SI: variants seen among roughly 807,000 people sequenced by gnomAD.
SI encodes sucrase-isomaltase, intestinal.
A neutral mutation model predicts 253.3 loss-of-function variants in SI; 235 were observed. That is an observed-to-expected ratio of 0.93 (90% CI 0.83 to 1.03). The LOEUF is 1.03. Ranked by LOEUF, SI falls within the 50% of genes least tolerant of loss-of-function variation. SI has a pLI of 0.00. For synonymous variants in SI, 819 were observed against 712.0 expected, an observed-to-expected ratio of 1.15 and a Z score of -2.39; for missense variants, 2,442 against 2,211.1, an observed-to-expected ratio of 1.10 and a Z score of -2.09.
intron 25 of SI, among the ~76,000 whole-genome samples, chr3:165,027,936 G>C (rs910941010): frequency 6.6e-6 from 1 of 151,404 alleles, no homozygotes; most frequent in Non-Finnish European, 1.5e-5. Context: ...GTCCTAGCCA[G>C]AGCAATCAGA....
At chr3:165,001,082 T>A (rs1426080203) in intron 37 of SI, among the ~76,000 whole-genome samples, 1 of 151,330 alleles carries the variant, frequency 6.6e-6, no homozygotes, top group African/African-American at 2.4e-5. Flanking sequence ...TTCCAATAAT[T>A]AATATCTTTA....
intron 28 of SI, 65 bp downstream of exon 28, chr3:165,019,537 G>T: frequency 7.1e-7 from 1 of 1,405,008 alleles, no homozygotes; most frequent in Admixed American, 1.7e-5. Context: ...GGCCCATAAA[G>T]AAGTGGCTTG....
intron 45 of SI, among the ~76,000 whole-genome samples, chr3:164,983,281 T>C (rs1382843418): frequency 1.3e-5 from 2 of 152,142 alleles, no homozygotes; most frequent in Admixed American, 6.6e-5. Flanking sequence ...AGGTGGTGTA[T>C]GTGTGTGTAG....
At chr3:165,052,572 T>C (rs1471946686) in intron 13 of SI, among the ~76,000 whole-genome samples, 3 of 151,936 alleles carry the variant, frequency 2.0e-5, no homozygotes, top group Non-Finnish European at 4.4e-5. Flanking sequence ...AGGGAGAATC[T>C]TTTGAACCTG....
At chr3:165,043,979 A>G (rs1576905775) in intron 16 of SI, among the ~76,000 whole-genome samples, 1 of 151,996 alleles carries the variant, frequency 6.6e-6, no homozygotes, top group Non-Finnish European at 1.5e-5. Flanking sequence ...AAAATCTGAA[A>G]TACTTCAAAA....
At chr3:165,017,489 A>G in intron 31 of SI, 59 bp downstream of exon 31, 1 of 1,533,126 alleles carries the variant, frequency 6.5e-7, no homozygotes, top group Non-Finnish European at 9.0e-7. Context: ...ATGTTTAATT[A>G]TTTCATTCTA....
rs1718018824 is a variant in SI, at chr3:164,996,539, G to C, written c.4688C>G (p.Thr1563Ser). Reference sequence around the variant, plus strand: ...GTAAATGTAGTAATTACATACTCTAGTATTTGCAATGTTGTGATTCCTTGA... The same window carrying C: ...GTAAATGTAGTAATTACATACTCTACTATTTGCAATGTTGTGATTCCTTGA... ...PYSRNHNIAN[T>S]RRQDPASWNE... The change falls in exon 40 of 48, where the codon ACT becomes AGT. Residue 1563 changes from threonine to serine, a missense_variant. Transcript: ENST00000264382. The C allele has an allele frequency of 2.7e-6, 4 of 1,471,286 alleles. No homozygotes were observed. The highest frequency in any genetic ancestry group is 1.4e-5 in the African/African-American group (1 of 71,974). The allele number at this position is 1,471,286 out of a possible 1,614,324, so 91.1% of individuals were successfully genotyped here.
chr3:165,000,234 AT>A (rs1424224628), intron 37 of SI, among the ~76,000 whole-genome samples: 3 of 151,190 alleles, frequency 2.0e-5, no homozygotes, highest in Non-Finnish European at 4.4e-5. Context: ...TTTTTTCTCT[AT>A]TATATATCTT....
intron 6 of SI, among the ~76,000 whole-genome samples, chr3:165,067,085 T>C (rs562268895): frequency 1.3e-5 from 2 of 152,066 alleles, no homozygotes; most frequent in Admixed American, 6.6e-5. Flanking sequence ...TACAAATATA[T>C]GCAAGGCTAG....
chr3:164,987,060 G>T, intron 45 of SI, 78 bp downstream of exon 45: 2 of 1,149,276 alleles, frequency 1.7e-6, no homozygotes, highest in South Asian at 1.2e-5. Context: ...AGCTTCCAAA[G>T]AACAATAATA....
chr3:165,016,127 G>T, intron 31 of SI, 47 bp from the exon 32 acceptor site: 1 of 1,522,576 alleles, frequency 6.6e-7, no homozygotes. Context: ...ATACAAAATA[G>T]TAAGTGTATC....
intron 42 of SI, 22 bp downstream of exon 42, chr3:164,992,290 CA>C (rs754256726): frequency 1.2e-6 from 2 of 1,612,066 alleles, no homozygotes; most frequent in Non-Finnish European, 1.7e-6. Context: ...ATTGTGTAAA[CA>C]AAAATATGTG....
intron 33 of SI, among the ~76,000 whole-genome samples, chr3:165,013,523 C>T (rs1718868773): frequency 6.6e-6 from 1 of 152,070 alleles, no homozygotes; most frequent in South Asian, 2.1e-4. Context: ...TCCTCCTCTC[C>T]CTTCATCCCA....
At chr3:164,990,278 A>C (rs1243029803) in intron 44 of SI, among the ~76,000 whole-genome samples, 1 of 152,124 alleles carries the variant, frequency 6.6e-6, no homozygotes, top group African/African-American at 2.4e-5. Flanking sequence ...TGTTTTCGTA[A>C]AGTGATCTTC....
intron 13 of SI, among the ~76,000 whole-genome samples, chr3:165,050,807 C>A (rs1036956509): frequency 6.6e-6 from 1 of 151,946 alleles, no homozygotes; most frequent in African/African-American, 2.4e-5. Flanking sequence ...TCCTTTTCCC[C>A]ATCCACATCA....
the SI span, among the ~76,000 whole-genome samples, chr3:165,083,771 T>A: frequency 7.2e-4 from 110 of 152,146 alleles, no homozygotes; most frequent in African/African-American, 2.5e-3. Context: ...TGCCAAGTAT[T>A]TTTATGAATC....
At chr3:164,986,115 T>C (rs1016506745) in intron 45 of SI, among the ~76,000 whole-genome samples, 7 of 152,014 alleles carry the variant, frequency 4.6e-5, no homozygotes, top group African/African-American at 1.7e-4. Flanking sequence ...CTGGACTACC[T>C]CCTTGTTGTA....
intron 37 of SI, among the ~76,000 whole-genome samples, chr3:165,005,912 A>G (rs1448409627): frequency 6.6e-6 from 1 of 151,942 alleles, no homozygotes; most frequent in Non-Finnish European, 1.5e-5. Flanking sequence ...GTGCCTGGCC[A>G]GAAGATTTCA....
chr3:165,023,520 C>T (rs1389739389), intron 26 of SI, 50 bp downstream of exon 26: 2 of 1,213,742 alleles, frequency 1.6e-6, no homozygotes, highest in Admixed American at 3.4e-5. Context: ...TATTCAAAAT[C>T]TCATCTCACA....
Sources: gnomAD v4.1 joint callset for allele counts (sites outside exome capture counted in the v4.1 genomes callset) on GRCh38, gnomAD v4.1.1 for gene constraint, MANE v1.5 for transcripts, NCBI Gene and HGNC (gene_info 2026-07-23, HGNC 2026-07-21) for gene names.